The following ZDHHC23 variants were observed in gnomAD, a reference collection of about 807,000 sequenced individuals.
ZDHHC23 encodes palmitoyltransferase ZDHHC23.
A neutral mutation model predicts 40.2 loss-of-function variants in ZDHHC23; 41 were observed. The ratio of observed to expected loss-of-function variants is 1.02; its 90% CI spans 0.79 to 1.32. The LOEUF is 1.32. Among genes scored for constraint, ZDHHC23 ranks in the 40% most tolerant of loss-of-function variants. The pLI is 0.00. For missense variants in ZDHHC23, 471 were observed against 541.5 expected (o/e 0.87, Z 1.29); for synonymous variants, 204 against 210.2 (o/e 0.97, Z 0.26).
At chr3:113,976,692 G>GAGTT in the ZDHHC23 span, among the ~76,000 whole-genome samples, 1 of 151,864 alleles carries the variant, frequency 6.6e-6, no homozygotes, top group African/African-American at 2.4e-5. Context: ...TGCATTGAGT[G>GAGTT]AGTTACTATA....
In ZDHHC23 at chr3:113,954,207, G is replaced by C. The variant is rs1376855718; in HGVS notation, c.669G>C (p.Gly223=). ...LSRKGQEKTK[G]FPGADMSGSL... is the part of the protein sequence containing the mutation. ...GAAAAGGGCAGGAGAAGACCAAAGG[G>C]TTCCCTGGGGCAGACATGTCGGGCA... The change falls in exon 3 of 5, where the codon GGG becomes GGC. Residue 223 remains glycine (G), a synonymous_variant. Coordinates refer to ENST00000638807, the MANE Select transcript of ZDHHC23 (RefSeq NM_001320466.2). The C allele has an allele frequency of 3.1e-6, 5 of 1,614,208 alleles. No individual in the cohort carries two copies. In the South Asian group the frequency reaches 4.4e-5, roughly 14 times the overall value.
Position 113,948,677 on chromosome 3 carries a change from A to AT in ZDHHC23, c.-117-7dup. 8.8e-7 allele frequency: 1 copy of AT among 1,132,548 alleles called. No individual in the cohort carries two copies. The highest frequency in any genetic ancestry group is 1.2e-6 in the Non-Finnish European group (1 of 805,094). 70.2% of individuals were successfully genotyped at this position (1,132,548 alleles called of 1,614,324 possible). Reference sequence around the variant, plus strand: ...CTCCCCCTCTCTCTTCTCATTTTTGATTGCTCAGGCGTTGGAGGTTAAGCA... The same window carrying AT: ...CTCCCCCTCTCTCTTCTCATTTTTGATTTGCTCAGGCGTTGGAGGTTAAGCA... On this transcript the variant is annotated splice_polypyrimidine_tract_variant and intron_variant, in intron 1 of 4. Transcript: ENST00000638807.
chr3:113,979,244 T>C, the ZDHHC23 span, among the ~76,000 whole-genome samples: 1 of 152,140 alleles, frequency 6.6e-6, no homozygotes, highest in East Asian at 1.9e-4. Context: ...CCACAGTGAT[T>C]TGCTGGTTAT....
At chr3:113,948,606 T>G in intron 1 of ZDHHC23, 80 bp from the exon 2 acceptor site, 1 of 587,976 alleles carries the variant, frequency 1.7e-6, no homozygotes, top group Non-Finnish European at 2.9e-6. Context: ...TGGAGCCCCC[T>G]GTGTGGCCAG....
rs1464944683 is a variant in ZDHHC23, at chr3:113,958,809, T to C, written c.*179T>C. 16 of 1,468,532 alleles carry C rather than the reference T, an allele frequency of 1.1e-5. No individual in the cohort carries two copies. The highest frequency in any genetic ancestry group is 2.0e-4 in the Middle Eastern group (1 of 5,028). 91.0% of individuals were successfully genotyped at this position (1,468,532 alleles called of 1,614,324 possible). On this transcript the variant is annotated 3_prime_UTR_variant, in exon 5 of 5. Transcript: ENST00000638807. ...TCTGACGCCACAACTTAAGAGACTT[T>C]TATACTGAGGCAGTAAAAGTAGAGC... is the stretch of plus-strand genomic sequence containing the variant.
At chr3:113,969,022 G>C (rs971612405), downstream of ZDHHC23, among the ~76,000 whole-genome samples, 3 of 152,252 alleles carry the variant, frequency 2.0e-5, no homozygotes, top group Non-Finnish European at 2.9e-5. Flanking sequence ...CATGTGCAGA[G>C]ATCCAATGGC....
chr3:113,963,647 G>A (rs1180372609), downstream of ZDHHC23, among the ~76,000 whole-genome samples: 1 of 151,284 alleles, frequency 6.6e-6, no homozygotes. Context: ...GAGGTGGGAG[G>A]ATCACCTGAG....
chr3:113,952,735 CCAAGAT>C (rs1378661225), intron 2 of ZDHHC23, among the ~76,000 whole-genome samples: 1 of 152,184 alleles, frequency 6.6e-6, no homozygotes, highest in East Asian at 1.9e-4. Context: ...GCTGTGAAGT[CCAAGAT>C]CAAGGCAGCA....
chr3:113,951,407 C>T (rs1448945299), intron 2 of ZDHHC23, among the ~76,000 whole-genome samples: 3 of 152,204 alleles, frequency 2.0e-5, no homozygotes, highest in South Asian at 2.1e-4. Context: ...AGCATTGGCA[C>T]CCTGTGGATG....
At chr3:113,953,026 TATC>T (rs1467303372) in intron 2 of ZDHHC23, among the ~76,000 whole-genome samples, 5 of 152,232 alleles carry the variant, frequency 3.3e-5, no homozygotes, top group African/African-American at 1.2e-4. Flanking sequence ...AGTCAACCAA[TATC>T]ATTCCATTCA....
At chr3:113,975,370 T>TATAAAATTGAATATATA in the ZDHHC23 span, among the ~76,000 whole-genome samples, 10 of 152,244 alleles carry the variant, frequency 6.6e-5, no homozygotes, top group African/African-American at 2.4e-4. Context: ...TATGGTATTA[T>TATAAAATTGAATATATA]TTCATTCATA....
In ZDHHC23 at chr3:113,954,220, G is replaced by C; in HGVS notation, c.682G>C (p.Asp228His). 6.2e-7 allele frequency: 1 copy of C among 1,614,230 alleles called. No individual in the cohort carries two copies. Residue 228 changes from aspartate to histidine, a missense_variant, in exon 3 of 5, where the codon GAC (aspartate) becomes CAC (histidine). Around this residue, in one of 3 missense-constraint regions of ZDHHC23, gnomAD observed 346 missense variants for 399.8 expected, o/e 0.87. Transcript: ENST00000638807. ...QEKTKGFPGA[D>H]MSGSLNNRTT... ...GAAGACCAAAGGGTTCCCTGGGGCA[G>C]ACATGTCGGGCAGTCTCAACAATCG...
At chr3:113,965,186 G>A, downstream of ZDHHC23, 2 of 1,607,102 alleles carry the variant, frequency 1.2e-6, no homozygotes, top group Non-Finnish European at 1.7e-6. Context: ...CTTACTCAAG[G>A]ACCAAGTATC....
At chr3:113,978,347 G>GAAAT in the ZDHHC23 span, 1 of 1,607,260 alleles carries the variant, frequency 6.2e-7, no homozygotes, top group African/African-American at 1.3e-5. Context: ...GATGAAGACA[G>GAAAT]AAATAAAAGT....
Position 113,958,596 on chromosome 3 carries a change from G to C in ZDHHC23, c.1274G>C (p.Arg425Pro). 6.2e-7 allele frequency: 1 copy of C among 1,604,170 alleles called. No homozygotes were observed. Among genetic ancestry groups the C allele is most frequent in the Non-Finnish European group, 8.5e-7 (1 of 1,179,450 alleles). ...NWHQFSTLGT[R>P]AFHHPAEDIV is the part of the protein sequence containing the mutation. ...CACCAGTTCTCCACCCTGGGCACAC[G>C]TGCATTCCACCACCCTGCCGAGGAC... Residue 425 changes from arginine to proline, a missense_variant, in exon 5 of 5, where the codon CGT becomes CCT. This residue lies in a region of ZDHHC23 where 346 missense variants were observed against 399.8 expected (regional missense o/e 0.87). Coordinates refer to ENST00000638807, the MANE Select transcript of ZDHHC23 (RefSeq NM_001320466.2).
At chr3:113,966,960 A>G (rs149970662), downstream of ZDHHC23, among the ~76,000 whole-genome samples, 3,612 of 151,996 alleles carry the variant, frequency 0.024, 157 homozygotes, top group African/African-American at 0.082. Context: ...TTAGCCCGGC[A>G]TGGTGGCAGG....
chr3:113,960,656 G>C lies in ZDHHC23; in HGVS notation c.*2026G>C. On this transcript the variant is annotated 3_prime_UTR_variant, in exon 5 of 5. Coordinates refer to ENST00000638807, the MANE Select transcript of ZDHHC23 (RefSeq NM_001320466.2). ...GTGATGAAGATAAGTAGTACAAAGA[G>C]ACCAAAATAATTTGGGAGAATTAGG... 1 of 1,606,396 alleles carries C rather than the reference G, an allele frequency of 6.2e-7. No homozygotes were observed. Among genetic ancestry groups the C allele is most frequent in the Non-Finnish European group, 8.5e-7 (1 of 1,177,472 alleles).
At chr3:113,968,984 C>T (rs903700411), downstream of ZDHHC23, among the ~76,000 whole-genome samples, 1 of 152,160 alleles carries the variant, frequency 6.6e-6, no homozygotes, top group Non-Finnish European at 1.5e-5. Flanking sequence ...CTTCAGGCTG[C>T]TTCCAGTCAT....
chr3:113,966,971 C>T (rs1940241442), downstream of ZDHHC23, among the ~76,000 whole-genome samples: 1 of 151,934 alleles, frequency 6.6e-6, no homozygotes, highest in Non-Finnish European at 1.5e-5. Flanking sequence ...TGGTGGCAGG[C>T]ACCTGTAATC....
Sources: gnomAD v4.1 joint callset for allele counts (sites outside exome capture counted in the v4.1 genomes callset) on GRCh38, gnomAD v4.1.1 for gene constraint, gnomAD v4.1.1 regional missense constraint, MANE v1.5 for transcripts, NCBI Gene and HGNC (gene_info 2026-07-23, HGNC 2026-07-21) for gene names.